The following PDGFD variants were observed in gnomAD, a reference collection of about 807,000 sequenced individuals.
The protein encoded by PDGFD is platelet-derived growth factor D.
A neutral mutation model predicts 44.7 loss-of-function variants in PDGFD; 30 were observed. The ratio of observed to expected loss-of-function variants is 0.67; its 90% CI spans 0.50 to 0.91. The LOEUF (loss-of-function observed/expected upper bound fraction) is 0.91, where lower values mean the gene tolerates loss of function less well. Ranked by LOEUF, PDGFD falls within the 40% of genes least tolerant of loss-of-function variation. The pLI, the probability that PDGFD is intolerant of heterozygous loss-of-function variation, is 0.00. For missense variants in PDGFD, 445 were observed against 457.8 expected, an observed-to-expected ratio of 0.97 and a Z score of 0.25; for synonymous variants, 173 against 168.4, an observed-to-expected ratio of 1.03 and a Z score of -0.21.
intron 1 of PDGFD, among the ~76,000 whole-genome samples, chr11:104,133,692 C>T (rs1016602393): frequency 6.6e-6 from 1 of 152,114 alleles, no homozygotes; most frequent in Non-Finnish European, 1.5e-5. Flanking sequence ...CAGTCACTAA[C>T]GTTTACTGAA....
intron 1 of PDGFD, among the ~76,000 whole-genome samples, chr11:104,028,374 A>T (rs1591127552): frequency 6.6e-6 from 1 of 151,654 alleles, no homozygotes; most frequent in Non-Finnish European, 1.5e-5. Context: ...TGCTATATCC[A>T]TCCCTACGAA....
chr11:104,061,511 C>T (rs11226137), intron 1 of PDGFD, among the ~76,000 whole-genome samples: 34,278 of 152,184 alleles, frequency 0.23, 4,255 homozygotes, highest in Non-Finnish European at 0.28. Flanking sequence ...GTTCCATTAA[C>T]AGATGAATGG....
chr11:103,943,212 C>T (rs1404073265), intron 5 of PDGFD, among the ~76,000 whole-genome samples: 1 of 152,060 alleles, frequency 6.6e-6, no homozygotes, highest in Non-Finnish European at 1.5e-5. Flanking sequence ...ATCCAAAATC[C>T]AAAACTTTTT....
At chr11:104,049,344 T>A (rs1565320762) in intron 1 of PDGFD, among the ~76,000 whole-genome samples, 1 of 152,022 alleles carries the variant, frequency 6.6e-6, no homozygotes, top group East Asian at 1.9e-4. Context: ...GAGCAAAGAC[T>A]TAAAGCAGGA....
At chr11:104,028,851 T>G (rs1860085088) in intron 1 of PDGFD, among the ~76,000 whole-genome samples, 1 of 152,038 alleles carries the variant, frequency 6.6e-6, no homozygotes, top group Non-Finnish European at 1.5e-5. Flanking sequence ...TCAGTTCTAT[T>G]TCATTTAAAG....
chr11:104,052,920 C>G (rs1302269618), intron 1 of PDGFD, among the ~76,000 whole-genome samples: 12 of 151,920 alleles, frequency 7.9e-5, no homozygotes, highest in Non-Finnish European at 1.5e-5. Flanking sequence ...TTTATTCTGT[C>G]TAGTACAGAA....
chr11:104,080,691 T>G (rs1162580063), intron 1 of PDGFD, among the ~76,000 whole-genome samples: 2 of 152,254 alleles, frequency 1.3e-5, no homozygotes, highest in Non-Finnish European at 2.9e-5. Context: ...TGGTAACCTG[T>G]ATAACCTGTT....
intron 3 of PDGFD, among the ~76,000 whole-genome samples, chr11:103,958,099 T>G (rs1029593707): frequency 6.6e-6 from 1 of 152,164 alleles, no homozygotes; most frequent in African/African-American, 2.4e-5. Context: ...CGCCTGCCAC[T>G]TATGGAGCAC....
At chr11:103,999,595 C>T (rs1859587874) in intron 2 of PDGFD, among the ~76,000 whole-genome samples, 1 of 152,164 alleles carries the variant, frequency 6.6e-6, no homozygotes, top group African/African-American at 2.4e-5. Flanking sequence ...GATAGCTTCC[C>T]CAACCATCAT....
At chr11:104,107,891 C>T (rs892338477) in intron 1 of PDGFD, among the ~76,000 whole-genome samples, 1 of 152,038 alleles carries the variant, frequency 6.6e-6, no homozygotes, top group Admixed American at 6.6e-5. Flanking sequence ...AATGTCATTG[C>T]TATTGCTAAC....
At chr11:103,926,853 C>T in intron 6 of PDGFD, 59 bp downstream of exon 6, 3 of 1,511,794 alleles carry the variant, frequency 2.0e-6, no homozygotes, top group Non-Finnish European at 2.7e-6. Context: ...ATGCAATGGC[C>T]CTGTCTTCCT....
chr11:104,042,525 T>C (rs187227790), intron 1 of PDGFD, among the ~76,000 whole-genome samples: 140 of 152,330 alleles, frequency 9.2e-4, no homozygotes, highest in African/African-American at 3.3e-3. Context: ...GAAAGACTTT[T>C]ATAAATCCAG....
chr11:104,095,332 A>G (rs1484097802), intron 1 of PDGFD, among the ~76,000 whole-genome samples: 1 of 152,094 alleles, frequency 6.6e-6, no homozygotes, highest in Non-Finnish European at 1.5e-5. Flanking sequence ...AGTGCACACA[A>G]TACACCTAAG....
At chr11:104,011,760 TAA>T (rs1341944250) in intron 1 of PDGFD, among the ~76,000 whole-genome samples, 1 of 152,112 alleles carries the variant, frequency 6.6e-6, no homozygotes, top group Non-Finnish European at 1.5e-5. Flanking sequence ...ATCAAAATTT[TAA>T]AAGTGTTTGT....
intron 3 of PDGFD, among the ~76,000 whole-genome samples, chr11:103,988,642 C>T (rs868706841): frequency 7.2e-5 from 11 of 152,104 alleles, no homozygotes; most frequent in South Asian, 2.1e-4. Flanking sequence ...CGCACAACTT[C>T]GGATATATTT....
At chr11:104,097,825 G>T (rs1442271477) in intron 1 of PDGFD, among the ~76,000 whole-genome samples, 5 of 152,140 alleles carry the variant, frequency 3.3e-5, no homozygotes, top group African/African-American at 4.8e-5. Flanking sequence ...TGTCCTGTCA[G>T]TCTGAATCCT....
Position 104,164,058 on chromosome 11 carries a change from C to A in PDGFD, c.-131G>T, listed in dbSNP as rs1489999047. 3.9e-6 allele frequency: 4 copies of A among 1,028,650 alleles called. No individual in the cohort carries two copies. In the African/African-American group the frequency reaches 6.5e-5, roughly 17 times the overall value. 63.7% of individuals were successfully genotyped at this position (1,028,650 alleles called of 1,614,324 possible). A position where few individuals can be genotyped will look rare whatever the true frequency, so the allele number is the denominator to read the frequency against. On this transcript the variant is annotated 5_prime_UTR_variant, in exon 1 of 7. Transcript: ENST00000393158. ...CGCTGGCCCGGGTCGCTGTGCTAAT[C>A]GCCGAGCTCTCCCCAAACTTCCTGC...
chr11:104,106,893 G>A (rs1322174857), intron 1 of PDGFD, among the ~76,000 whole-genome samples: 2 of 152,050 alleles, frequency 1.3e-5, no homozygotes, highest in East Asian at 2.0e-4. Flanking sequence ...ACAGGTGTGT[G>A]CCACCACGCC....
In PDGFD at chr11:103,976,020, T is replaced by C. The variant is rs184404018; in HGVS notation, c.510+20045A>G. ...TATGAAATTTAAAGTAGTTTTTTTCTAGTTCTGTGAAGAAAGTCAATGATA... is the reference window on the plus strand; with the variant it reads ...TATGAAATTTAAAGTAGTTTTTTTCCAGTTCTGTGAAGAAAGTCAATGATA... On this transcript the variant is annotated intron_variant, in intron 3 of 6. Coordinates refer to ENST00000393158, the MANE Select transcript of PDGFD (RefSeq NM_025208.5). Among the ~76,000 whole-genome samples, 738 of 152,262 alleles carry C rather than the reference T, an allele frequency of 4.8e-3. 10 individuals carry two copies. Among genetic ancestry groups the C allele is most frequent in the South Asian group, 0.02 (96 of 4,820 alleles).
Sources: gnomAD v4.1 joint callset for allele counts (sites outside exome capture counted in the v4.1 genomes callset) on GRCh38, gnomAD v4.1.1 for gene constraint, MANE v1.5 for transcripts, NCBI Gene and HGNC (gene_info 2026-07-23, HGNC 2026-07-21) for gene names.